UVRAG: variants seen among roughly 807,000 people sequenced by gnomAD.
UVRAG encodes UV radiation resistance-associated gene protein.
UVRAG carries 19 observed loss-of-function variants against 78.0 expected under a neutral mutation model. The ratio of observed to expected loss-of-function variants is 0.24; its 90% CI spans 0.17 to 0.36. The LOEUF (loss-of-function observed/expected upper bound fraction) is 0.36, where lower values mean the gene tolerates loss of function less well. Ranked by LOEUF, UVRAG falls within the 10% of genes least tolerant of loss-of-function variation. The pLI, the probability that UVRAG is intolerant of heterozygous loss-of-function variation, is 1.00. For missense variants in UVRAG, 740 were observed against 853.8 expected, an observed-to-expected ratio of 0.87 and a Z score of 1.66; for synonymous variants, 323 against 324.6, an observed-to-expected ratio of 1.00 and a Z score of 0.05.
intron 3 of UVRAG, among the ~76,000 whole-genome samples, chr11:75,872,412 G>T (rs1401640003): frequency 7.3e-6 from 1 of 137,788 alleles, no homozygotes; most frequent in African/African-American, 2.8e-5. Flanking sequence ...TTTTTTAGAC[G>T]GAGGCTCACT....
intron 6 of UVRAG, chr11:75,916,511 C>T (rs1256830552): frequency 1.3e-5 from 2 of 152,226 alleles, no homozygotes; most frequent in South Asian, 4.1e-4. Context: ...TTCTACTTTT[C>T]AGCATATTTT....
intron 8 of UVRAG, among the ~76,000 whole-genome samples, chr11:75,996,910 T>G (rs1949719070): frequency 6.6e-6 from 1 of 152,174 alleles, no homozygotes; most frequent in Non-Finnish European, 1.5e-5. Context: ...AAGCCAATTG[T>G]GTAGAGGTAT....
At chr11:76,011,069 T>C (rs1050377850) in intron 11 of UVRAG, among the ~76,000 whole-genome samples, 11 of 152,214 alleles carry the variant, frequency 7.2e-5, no homozygotes, top group African/African-American at 2.7e-4. Flanking sequence ...GATTCTATTT[T>C]GTTTTCTTTG....
intron 13 of UVRAG, among the ~76,000 whole-genome samples, chr11:76,078,926 C>G (rs1257800707): frequency 6.6e-6 from 1 of 151,898 alleles, no homozygotes; most frequent in African/African-American, 2.4e-5. Flanking sequence ...AAGACTCTGT[C>G]TCAGAAAAAA....
chr11:76,007,323 A>G (rs1591125173), intron 9 of UVRAG, among the ~76,000 whole-genome samples: 2 of 152,230 alleles, frequency 1.3e-5, no homozygotes, highest in East Asian at 1.9e-4. Context: ...CTAATCACAC[A>G]CAGTAGCACT....
At chr11:75,874,218 C>G (rs1350305415) in intron 3 of UVRAG, among the ~76,000 whole-genome samples, 1 of 151,938 alleles carries the variant, frequency 6.6e-6, no homozygotes, top group Non-Finnish European at 1.5e-5. Flanking sequence ...TTGACATTCT[C>G]TTTAGCCCGC....
At chr11:75,830,377 C>T (rs562267777) in intron 1 of UVRAG, among the ~76,000 whole-genome samples, 13 of 151,960 alleles carry the variant, frequency 8.6e-5, no homozygotes, top group Non-Finnish European at 1.8e-4. Context: ...TCAAGCGATT[C>T]TCCTGCCTCA....
At chr11:75,870,298 A>G (rs577509238) in intron 3 of UVRAG, among the ~76,000 whole-genome samples, 1 of 152,342 alleles carries the variant, frequency 6.6e-6, no homozygotes, top group East Asian at 1.9e-4. Context: ...AAGAACACCC[A>G]GGTCATCTAT....
intron 12 of UVRAG, among the ~76,000 whole-genome samples, chr11:76,054,358 G>T (rs1950937475): frequency 6.6e-6 from 1 of 152,098 alleles, no homozygotes; most frequent in African/African-American, 2.4e-5. Flanking sequence ...GTCTTCTCTT[G>T]CCTAAATTTT....
chr11:75,975,251 C>A (rs1370594450), intron 7 of UVRAG, among the ~76,000 whole-genome samples: 1 of 152,152 alleles, frequency 6.6e-6, no homozygotes, highest in Non-Finnish European at 1.5e-5. Flanking sequence ...CAGTACCATG[C>A]TGTTTTGGTT....
intron 12 of UVRAG, among the ~76,000 whole-genome samples, chr11:76,064,737 G>C (rs1027855079): frequency 1.3e-5 from 2 of 151,762 alleles, no homozygotes; most frequent in Non-Finnish European, 2.9e-5. Context: ...TATCCTCTAG[G>C]CTTTATGGAA....
chr11:75,831,579 G>A (rs576413620), intron 1 of UVRAG, among the ~76,000 whole-genome samples: 3 of 152,034 alleles, frequency 2.0e-5, no homozygotes, highest in South Asian at 2.1e-4. Context: ...GAGATGATTC[G>A]AAAAAAGTAC....
intron 1 of UVRAG, among the ~76,000 whole-genome samples, chr11:75,821,364 C>T (rs887546178): frequency 2.0e-5 from 3 of 152,092 alleles, no homozygotes; most frequent in African/African-American, 2.4e-5. Flanking sequence ...TGTTTTGAGA[C>T]GGGGTCTCAC....
chr11:76,140,562 G>A, intron 14 of UVRAG, 149 bp from the exon 15 acceptor site: 1 of 800,316 alleles, frequency 1.2e-6, no homozygotes, highest in Non-Finnish European at 1.8e-6. Flanking sequence ...TTTTTGCATT[G>A]AGACACTGCA....
At chr11:75,976,414 T>A (rs535629269) in intron 7 of UVRAG, among the ~76,000 whole-genome samples, 1 of 152,274 alleles carries the variant, frequency 6.6e-6, no homozygotes, top group African/African-American at 2.4e-5. Context: ...CTCTTTTTCT[T>A]TTGATTGGAG....
intron 12 of UVRAG, among the ~76,000 whole-genome samples, chr11:76,045,126 T>C (rs1950724398): frequency 6.6e-6 from 1 of 152,210 alleles, no homozygotes; most frequent in Non-Finnish European, 1.5e-5. Context: ...GAAAACCTGA[T>C]GTTTACTCTA....
intron 11 of UVRAG, among the ~76,000 whole-genome samples, chr11:76,016,179 A>G (rs138972201): frequency 5.6e-4 from 85 of 152,124 alleles, no homozygotes; most frequent in Non-Finnish European, 1.1e-3. Context: ...AGTTGCTTCC[A>G]CCTATATTAC....
At chr11:76,035,694 A>G (rs1950520198) in intron 12 of UVRAG, among the ~76,000 whole-genome samples, 1 of 152,238 alleles carries the variant, frequency 6.6e-6, no homozygotes, top group Non-Finnish European at 1.5e-5. Flanking sequence ...ACAATTAAAA[A>G]TGTTCTGTCT....
At chr11:76,127,392 G>A (rs569586048) in intron 14 of UVRAG, among the ~76,000 whole-genome samples, 7 of 152,170 alleles carry the variant, frequency 4.6e-5, no homozygotes, top group Middle Eastern at 3.4e-3. Flanking sequence ...GGTGGCTCAC[G>A]CCTGTAATCC....
Sources: gnomAD v4.1 joint callset for allele counts (sites outside exome capture counted in the v4.1 genomes callset) on GRCh38, gnomAD v4.1.1 for gene constraint, MANE v1.5 for transcripts, NCBI Gene and HGNC (gene_info 2026-07-23, HGNC 2026-07-21) for gene names.